Variants in CTNNBL1 observed in about 807,000 individuals in gnomAD.
The protein encoded by CTNNBL1 is beta-catenin-like protein 1.
CTNNBL1 carries 31 observed loss-of-function variants against 72.7 expected under a neutral mutation model. That is an observed-to-expected ratio of 0.43 (90% CI 0.32 to 0.58). The LOEUF is 0.58. CTNNBL1 is among the 20% of genes least tolerant of loss of function. The pLI is 0.08. For synonymous variants in CTNNBL1, 240 were observed against 267.3 expected (o/e 0.90, Z 1.00); for missense variants, 534 against 725.1 (o/e 0.74, Z 3.03).
At chr20:37,869,643 T>C (rs753215) in intron 15 of CTNNBL1, among the ~76,000 whole-genome samples, 116,139 of 152,172 alleles carry the variant, frequency 0.76, 44,470 homozygotes, top group East Asian at 0.85. Flanking sequence ...TGGGGCCGGG[T>C]GTGGGAGTGA....
chr20:37,750,459 C>T (rs1409061103), intron 4 of CTNNBL1: 2 of 152,150 alleles, frequency 1.3e-5, no homozygotes, highest in African/African-American at 2.4e-5. Context: ...ATTCATTAAA[C>T]GTGTTTAGAG....
intron 9 of CTNNBL1, among the ~76,000 whole-genome samples, chr20:37,778,878 T>C (rs1428204070): frequency 6.6e-6 from 1 of 152,212 alleles, no homozygotes; most frequent in Admixed American, 6.5e-5. Context: ...ATCTGTGTTA[T>C]ATTTCACGAT....
intron 15 of CTNNBL1, 123 bp downstream of exon 15, chr20:37,860,467 T>C (rs897584680): frequency 1.1e-5 from 9 of 783,532 alleles, no homozygotes; most frequent in Middle Eastern, 5.4e-4. Context: ...CTTAAGTTGT[T>C]GTCCATTTCA....
chr20:37,703,062 C>G (rs2072857455), intron 1 of CTNNBL1, among the ~76,000 whole-genome samples: 1 of 152,176 alleles, frequency 6.6e-6, no homozygotes, highest in South Asian at 2.1e-4. Flanking sequence ...TATCTTGCCA[C>G]TCTTGCTACA....
At chr20:37,802,522 T>G (rs376045558) in intron 10 of CTNNBL1, among the ~76,000 whole-genome samples, 2 of 152,184 alleles carry the variant, frequency 1.3e-5, no homozygotes, top group Non-Finnish European at 2.9e-5. Context: ...TCAATAAAGC[T>G]GTTAAAAAGA....
intron 1 of CTNNBL1, among the ~76,000 whole-genome samples, chr20:37,697,578 A>G (rs1041000385): frequency 5.3e-5 from 8 of 152,236 alleles, no homozygotes; most frequent in African/African-American, 1.7e-4. Context: ...CTTGTGGGCC[A>G]CGATAAAGAC....
intron 1 of CTNNBL1, among the ~76,000 whole-genome samples, chr20:37,720,620 A>C (rs1714326478): frequency 6.6e-6 from 1 of 152,260 alleles, no homozygotes; most frequent in Non-Finnish European, 1.5e-5. Flanking sequence ...AGAGGTCTAA[A>C]TAGTCCAGCC....
At chr20:37,804,008 A>G (rs2071929854) in intron 11 of CTNNBL1, among the ~76,000 whole-genome samples, 1 of 152,092 alleles carries the variant, frequency 6.6e-6, no homozygotes, top group South Asian at 2.1e-4. Context: ...TGGAGTGGCT[A>G]AAGGGAAGGT....
At chr20:37,795,473 C>A (rs1206346121) in intron 10 of CTNNBL1, among the ~76,000 whole-genome samples, 1 of 152,070 alleles carries the variant, frequency 6.6e-6, no homozygotes, top group Non-Finnish European at 1.5e-5. Context: ...AAATATGATT[C>A]CATGTATATT....
chr20:37,739,811 G>C (rs190732237), intron 3 of CTNNBL1, among the ~76,000 whole-genome samples: 3 of 152,276 alleles, frequency 2.0e-5, no homozygotes, highest in Non-Finnish European at 2.9e-5. Context: ...CCTTGCTGTA[G>C]GTGTTCAGTA....
intron 10 of CTNNBL1, among the ~76,000 whole-genome samples, chr20:37,801,339 T>C (rs1244510404): frequency 6.6e-6 from 1 of 152,182 alleles, no homozygotes; most frequent in Non-Finnish European, 1.5e-5. Context: ...CCAGTAAATA[T>C]TGCATATTGG....
chr20:37,832,510 C>T (rs2072218137), intron 11 of CTNNBL1, among the ~76,000 whole-genome samples: 1 of 152,194 alleles, frequency 6.6e-6, no homozygotes, highest in Non-Finnish European at 1.5e-5. Flanking sequence ...GGCTCAGAGG[C>T]TAAGCTCCAT....
At chr20:37,858,441 T>A (rs2072461882) in intron 13 of CTNNBL1, among the ~76,000 whole-genome samples, 1 of 152,196 alleles carries the variant, frequency 6.6e-6, no homozygotes, top group Non-Finnish European at 1.5e-5. Flanking sequence ...GAGCAGTTGT[T>A]AGCCTTAAAA....
At chr20:37,699,405 A>G (rs2072821088) in intron 1 of CTNNBL1, among the ~76,000 whole-genome samples, 1 of 152,232 alleles carries the variant, frequency 6.6e-6, no homozygotes, top group African/African-American at 2.4e-5. Context: ...GGTTGGCAGC[A>G]TGCCTGTATT....
intron 13 of CTNNBL1, among the ~76,000 whole-genome samples, chr20:37,859,139 C>A (rs1408611131): frequency 2.6e-5 from 4 of 151,982 alleles, no homozygotes; most frequent in Non-Finnish European, 5.9e-5. Flanking sequence ...CTTTGGGAGG[C>A]CAAGGTCAGG....
intron 11 of CTNNBL1, among the ~76,000 whole-genome samples, chr20:37,816,559 G>A (rs965635489): frequency 1.3e-5 from 2 of 152,104 alleles, no homozygotes; most frequent in African/African-American, 2.4e-5. Context: ...GATAATATAC[G>A]AGAAAGTGAT....
chr20:37,828,957 C>T (rs2072184740), intron 11 of CTNNBL1, among the ~76,000 whole-genome samples: 1 of 152,182 alleles, frequency 6.6e-6, no homozygotes, highest in African/African-American at 2.4e-5. Flanking sequence ...GACAGGGCCT[C>T]CTGCTACTTC....
intron 1 of CTNNBL1, among the ~76,000 whole-genome samples, chr20:37,720,332 T>C (rs779323848): frequency 7.8e-4 from 119 of 152,126 alleles, no homozygotes; most frequent in Non-Finnish European, 1.4e-3. Context: ...GTGGCCTGAA[T>C]TTATTTTTTG....
chr20:37,854,410 A>G (rs937160537), intron 13 of CTNNBL1, among the ~76,000 whole-genome samples: 2 of 152,030 alleles, frequency 1.3e-5, no homozygotes, highest in African/African-American at 2.4e-5. Context: ...TCCGAAATCT[A>G]TACCCACACA....
Sources: allele counts gnomAD v4.1 joint callset (sites outside exome capture counted in the v4.1 genomes callset), GRCh38; gene constraint gnomAD v4.1.1; transcripts MANE v1.5; gene names NCBI Gene and HGNC (gene_info 2026-07-23, HGNC 2026-07-21).